Variants in COPS7B observed in about 807,000 individuals in gnomAD.
COPS7B encodes COP9 signalosome complex subunit 7b.
Under a neutral mutation model 33.4 loss-of-function variants are expected in COPS7B, and 9 were observed. The ratio of observed to expected loss-of-function variants is 0.27; its 90% CI spans 0.16 to 0.47. COPS7B has a LOEUF of 0.47. Among genes scored for constraint, COPS7B ranks in the 20% least tolerant of loss-of-function variants. The pLI is 0.99. For missense variants in COPS7B, 242 were observed against 318.2 expected, an observed-to-expected ratio of 0.76 and a Z score of 1.82; for synonymous variants, 119 against 126.3, an observed-to-expected ratio of 0.94 and a Z score of 0.39.
chr2:231,784,493 A>G (rs146662071), upstream of COPS7B, among the ~76,000 whole-genome samples: 1 of 152,046 alleles, frequency 6.6e-6, no homozygotes, highest in Non-Finnish European at 1.5e-5. Context: ...TAAGGGAAAA[A>G]AAAACCAAAA....
At chr2:231,800,330 A>G (rs925436678) in intron 6 of COPS7B, among the ~76,000 whole-genome samples, 1 of 152,220 alleles carries the variant, frequency 6.6e-6, no homozygotes, top group African/African-American at 2.4e-5. Flanking sequence ...GCTGTGCAAC[A>G]ACCCTCTTGA....
chr2:231,781,706 T>TA (rs2049134882), upstream of COPS7B: 7 of 790,898 alleles, frequency 8.9e-6, no homozygotes, highest in East Asian at 2.7e-5. Flanking sequence ...CTCTGTAACT[T>TA]AGACTCCAGT....
upstream of COPS7B, among the ~76,000 whole-genome samples, chr2:231,785,815 A>C (rs1473514594): frequency 3.3e-5 from 5 of 152,216 alleles, no homozygotes; most frequent in Non-Finnish European, 4.4e-5. Context: ...CACCAGATGC[A>C]ACTCTATCAA....
In COPS7B at chr2:231,794,295, G is replaced by A; in HGVS notation, c.271G>A (p.Ala91Thr). 1 of 1,614,132 alleles carries A rather than the reference G, an allele frequency of 6.2e-7. No homozygotes were observed. Among genetic ancestry groups the A allele is most frequent in the East Asian group, 2.2e-5 (1 of 44,868 alleles). Residue 91 changes from alanine (A) to threonine (T), a missense_variant, in exon 4 of 7, where the codon GCT (alanine) becomes ACT (threonine). By Grantham distance (58) the Ala-to-Thr change is moderately conservative. Coordinates refer to ENST00000350033, the MANE Select transcript of COPS7B (RefSeq NM_022730.4). The part of the protein sequence containing the change: ...NKESLPELST[A>T]QQNKLKHLTI... ...GGAGAGCCTGCCAGAACTGAGCACA[G>A]CTCAGCAGAACAAGCTGAAGCATCT...
At chr2:231,796,728 T>G (rs566856359) in intron 5 of COPS7B, among the ~76,000 whole-genome samples, 30 of 152,362 alleles carry the variant, frequency 2.0e-4, no homozygotes, top group African/African-American at 7.2e-4. Context: ...CTGTTGAAGT[T>G]AACATGTTTA....
chr2:231,789,120 C>T (rs1010356871), intron 2 of COPS7B: 1 of 183,246 alleles, frequency 5.5e-6, no homozygotes, highest in African/African-American at 2.4e-5. Flanking sequence ...CAGAAACATA[C>T]TGCTATTGAA....
chr2:231,791,667 CTGTT>C (rs1452795714), intron 2 of COPS7B, 62 bp from the exon 3 acceptor site: 9 of 1,371,154 alleles, frequency 6.6e-6, no homozygotes, highest in Non-Finnish European at 8.3e-6. Flanking sequence ...CACCCGTCCT[CTGTT>C]TGAACACTAC....
chr2:231,805,881 T>C (rs1470873616), intron 6 of COPS7B, among the ~76,000 whole-genome samples: 1 of 152,012 alleles, frequency 6.6e-6, no homozygotes, highest in Non-Finnish European at 1.5e-5. Context: ...ACACCTGCTC[T>C]TGAGCAATTC....
rs2049955512 is a variant in COPS7B at position 231,808,363 on chromosome 2, C to T, written c.*718C>T. ...AAATGGTTCCTTCCGGCTTGGCGTTCTCTCCTGGCCACTCTTCCTGCTGCC... is the reference window on the plus strand; with the variant it reads ...AAATGGTTCCTTCCGGCTTGGCGTTTTCTCCTGGCCACTCTTCCTGCTGCC... On this transcript the variant is annotated 3_prime_UTR_variant, in exon 7 of 7. Coordinates refer to ENST00000350033, the MANE Select transcript of COPS7B (RefSeq NM_022730.4). 2.2e-6 allele frequency: 1 copy of T among 453,448 alleles called. No homozygotes were observed. The highest frequency in any genetic ancestry group is 4.6e-6 in the Non-Finnish European group (1 of 218,076). The allele number at this position is 453,448 out of a possible 1,614,324, so 28.1% of individuals were successfully genotyped here. A position where few individuals can be genotyped will look rare whatever the true frequency, so the allele number is the denominator to read the frequency against.
intron 5 of COPS7B, 29 bp downstream of exon 5, chr2:231,796,337 T>G: frequency 1.9e-6 from 3 of 1,592,648 alleles, no homozygotes; most frequent in South Asian, 1.1e-5. Context: ...GGGGGATATC[T>G]AGCATGTCTT....
chr2:231,794,868 A>G (rs1233186015), intron 4 of COPS7B, among the ~76,000 whole-genome samples: 1 of 149,600 alleles, frequency 6.7e-6, no homozygotes, highest in African/African-American at 2.5e-5. Flanking sequence ...CGATTCCCCT[A>G]CTCAGCCCCA....
Position 231,807,814 on chromosome 2 carries a change from C to A in COPS7B, c.*169C>A. The A allele has an allele frequency of 3.4e-6, 2 of 585,822 alleles. No individual in the cohort carries two copies. The highest frequency in any genetic ancestry group is 5.9e-6 in the Non-Finnish European group (2 of 340,400). The allele number at this position is 585,822 out of a possible 1,614,324, so 36.3% of individuals were successfully genotyped here. A position where few individuals can be genotyped will look rare whatever the true frequency, so the allele number is the denominator to read the frequency against. ...TTCCAGAAAAACTGTTACTCCCCCT[C>A]ACCCACTCCCTCCTTCCCCAGTTGT... On this transcript the variant is annotated 3_prime_UTR_variant, in exon 7 of 7. Transcript: ENST00000350033.
upstream of COPS7B, chr2:231,781,716 T>C (rs1425537860): frequency 1.4e-5 from 12 of 856,652 alleles, no homozygotes; most frequent in East Asian, 2.7e-5. Context: ...TAGACTCCAG[T>C]GTGCCGCGCA....
intron 3 of COPS7B, among the ~76,000 whole-genome samples, chr2:231,792,561 C>T (rs2049448566): frequency 6.6e-6 from 1 of 152,000 alleles, no homozygotes; most frequent in Admixed American, 6.6e-5. Context: ...TTTTTTGTGC[C>T]CCTTATGTTT....
upstream of COPS7B, among the ~76,000 whole-genome samples, chr2:231,782,607 G>C (rs755490416): frequency 6.6e-6 from 1 of 152,124 alleles, no homozygotes; most frequent in Admixed American, 6.5e-5. Context: ...CACTGAGTGG[G>C]TAAAAGGTGA....
chr2:231,787,208 C>G (rs928737252), intron 1 of COPS7B, among the ~76,000 whole-genome samples: 1 of 152,172 alleles, frequency 6.6e-6, no homozygotes, highest in Admixed American at 6.6e-5. Context: ...CCCAGCACTT[C>G]ATTGTTTTTC....
chr2:231,791,971 TC>T, intron 3 of COPS7B, 163 bp downstream of exon 3: 1 of 710,588 alleles, frequency 1.4e-6, no homozygotes, highest in Non-Finnish European at 2.6e-6. Context: ...AAGGGAATGT[TC>T]CTTCTCACCT....
intron 4 of COPS7B, among the ~76,000 whole-genome samples, chr2:231,795,175 T>A (rs965359020): frequency 2.0e-5 from 3 of 151,790 alleles, no homozygotes; most frequent in Non-Finnish European, 4.4e-5. Context: ...TGCCTCGGCC[T>A]CCCAAAGTGC....
In COPS7B at chr2:231,786,512, A is replaced by G. The variant is rs1210905440; in HGVS notation, c.-43A>G. On this transcript the variant is annotated 5_prime_UTR_variant, in exon 1 of 7. Coordinates refer to ENST00000350033, the MANE Select transcript of COPS7B (RefSeq NM_022730.4). ...GCGCCGGGAGGCCGAGCCAGCGACT[A>G]AGAGGACCGAGAGGTGGCGTGGACA... The G allele has an allele frequency of 5.1e-6, 5 of 985,866 alleles. No individual in the cohort carries two copies. In the East Asian group the frequency reaches 4.5e-4, roughly 90 times the overall value. 61.1% of individuals were successfully genotyped at this position (985,866 alleles called of 1,614,324 possible). A position where few individuals can be genotyped will look rare whatever the true frequency, so the allele number is the denominator to read the frequency against.
Sources: gnomAD v4.1 joint callset for allele counts (sites outside exome capture counted in the v4.1 genomes callset) on GRCh38, gnomAD v4.1.1 for gene constraint, MANE v1.5 for transcripts, NCBI Gene and HGNC (gene_info 2026-07-23, HGNC 2026-07-21) for gene names.